The following DSC3 variants were observed in gnomAD, a reference collection of about 807,000 sequenced individuals.
DSC3 encodes desmocollin-3.
A neutral mutation model predicts 89.5 loss-of-function variants in DSC3; 97 were observed. The ratio of observed to expected loss-of-function variants is 1.08; its 90% CI spans 0.92 to 1.28. The LOEUF is 1.28. Ranked by LOEUF, DSC3 falls within the 50% of genes most tolerant of loss-of-function variation. The pLI is 0.00. For synonymous variants in DSC3, 436 were observed against 384.1 expected (o/e 1.14, Z -1.58); for missense variants, 1,199 against 1,085.3 (o/e 1.10, Z -1.47).
At position 31,029,506 on chromosome 18, in the gene DSC3, T is replaced by C. The variant is rs1185392029; in HGVS notation, c.474+3A>G. On this transcript the variant is annotated splice_donor_region_variant and intron_variant, in intron 4 of 15. Coordinates refer to ENST00000360428, the MANE Select transcript of DSC3 (RefSeq NM_001941.5). ...ACCCTGACCAGAAAAGGTGTAAACC[T>C]ACTTGTTGAAGAAACAATGGGAAAG... 2 of 1,613,686 alleles carry C rather than the reference T, an allele frequency of 1.2e-6. No individual in the cohort carries two copies. The highest frequency in any genetic ancestry group is 1.7e-6 in the Non-Finnish European group (2 of 1,179,688).
At chr18:30,995,702 T>G (rs11874399) in intron 15 of DSC3, among the ~76,000 whole-genome samples, 5,273 of 152,226 alleles carry the variant, frequency 0.035, 347 homozygotes, top group African/African-American at 0.12. Flanking sequence ...CCAAGCCAAG[T>G]GGCTCATGCG....
At chr18:31,042,505 G>T in intron 1 of DSC3, 87 bp downstream of exon 1, 1 of 1,374,082 alleles carries the variant, frequency 7.3e-7, no homozygotes, top group Non-Finnish European at 1.0e-6. Flanking sequence ...TCACGTTTCG[G>T]CCCGCTTTGT....
chr18:31,037,147 A>G (rs1016976159), intron 1 of DSC3, among the ~76,000 whole-genome samples: 1 of 152,016 alleles, frequency 6.6e-6, no homozygotes, highest in African/African-American at 2.4e-5. Context: ...GGTCTTTCAC[A>G]TTTTTTGTTA....
rs1249593425 is a variant in DSC3, at chr18:31,001,734, A to G, written c.2119T>C (p.Leu707=). 1 of 1,586,038 alleles carries G rather than the reference A, an allele frequency of 6.3e-7. No individual in the cohort carries two copies. The highest frequency in any genetic ancestry group is 1.4e-5 in the African/African-American group (1 of 73,492). ...AAAACTCCACATACTAAAGTTAGCA[A>G]TACAGCTGAATTTAAAAATAAAAAT... The part of the protein sequence containing the change: ...LLGIALLFSV[L]LTLVCGVFGA... Residue 707 remains leucine, a synonymous_variant, in exon 14 of 16, where the codon TTG becomes CTG. Coordinates refer to ENST00000360428, the MANE Select transcript of DSC3 (RefSeq NM_001941.5).
At position 30,992,027 on chromosome 18, in the gene DSC3, T is replaced by C. The variant is rs540638496; in HGVS notation, c.*2148A>G. On this transcript the variant is annotated 3_prime_UTR_variant, in exon 16 of 16. Transcript: ENST00000360428. ...AAAAATACAAAAAATTAGCCGGGCG[T>C]GGTGGTGGGCGCCTGTAGTCCCAGC... is the stretch of plus-strand genomic sequence containing the variant. 4 of 151,206 alleles carry C rather than the reference T, an allele frequency of 2.6e-5. No individual in the cohort carries two copies. Among genetic ancestry groups the C allele is most frequent in the South Asian group, 2.1e-4 (1 of 4,758 alleles). The allele number at this position is 151,206 out of a possible 1,614,324, so 9.4% of individuals were successfully genotyped here. A position where few individuals can be genotyped will look rare whatever the true frequency, so the allele number is the denominator to read the frequency against.
chr18:30,990,472 T>C lies in DSC3; in HGVS notation c.*3703A>G, dbSNP rs1047298836. ...TGGTTACAATAGAAGTTACTGGAAT[T>C]GAAATTTTGGTTCAACCTATATTAA... is the stretch of plus-strand genomic sequence containing the variant. On this transcript the variant is annotated 3_prime_UTR_variant, in exon 16 of 16. Coordinates refer to ENST00000360428, the MANE Select transcript of DSC3 (RefSeq NM_001941.5). 6 of 152,236 alleles carry C rather than the reference T, an allele frequency of 3.9e-5. No individual in the cohort carries two copies. The highest frequency in any genetic ancestry group is 1.4e-4 in the African/African-American group (6 of 41,458). 9.4% of individuals were successfully genotyped at this position (152,236 alleles called of 1,614,324 possible). A position where few individuals can be genotyped will look rare whatever the true frequency, so the allele number is the denominator to read the frequency against.
intron 7 of DSC3, among the ~76,000 whole-genome samples, chr18:31,020,824 C>A (rs1014889756): frequency 8.6e-5 from 13 of 152,040 alleles, no homozygotes; most frequent in Admixed American, 8.5e-4. Context: ...GTCCTGTAAT[C>A]CCAGCTACAC....
In DSC3 at chr18:31,001,609, ATTAC is replaced by A. The variant is rs758570720; in HGVS notation, c.2235+5_2235+8del. ...GATACAAATACATATTTATTTAAAA[ATTAC>A]TTACCACTCTATCGTCTCCAGGTGC... On this transcript the variant is annotated splice_donor_5th_base_variant and intron_variant, in intron 14 of 15. Coordinates refer to ENST00000360428, the MANE Select transcript of DSC3 (RefSeq NM_001941.5). The A allele has an allele frequency of 1.9e-6, 3 of 1,608,642 alleles. No homozygotes were observed. Among genetic ancestry groups the A allele is most frequent in the African/African-American group, 1.3e-5 (1 of 74,818 alleles).
Position 31,024,381 on chromosome 18 carries a change from T to TA in DSC3, c.742dup (p.Tyr248LeufsTer2). On this transcript the variant is annotated frameshift_variant, in exon 6 of 16. Transcript: ENST00000360428. LOFTEE classifies it high-confidence loss of function. Reference sequence around the variant, plus strand: ...ACTACTTTCCAAAACTTCAAAATTATAAATTGCTTCTGTGAAAACAGGGTG... The same window carrying TA: ...ACTACTTTCCAAAACTTCAAAATTATAAAATTGCTTCTGTGAAAACAGGGTG... The TA allele has an allele frequency of 6.2e-7, 1 of 1,607,640 alleles. No individual in the cohort carries two copies. Among genetic ancestry groups the TA allele is most frequent in the Non-Finnish European group, 8.5e-7 (1 of 1,176,000 alleles).
At chr18:31,018,840 T>A in intron 7 of DSC3, 40 bp from the exon 8 acceptor site, 2 of 1,602,716 alleles carry the variant, frequency 1.2e-6, no homozygotes, top group Non-Finnish European at 1.7e-6. Flanking sequence ...TTGAAAAATT[T>A]TTGGTAGATT....
At chr18:31,041,952 C>T (rs1986146800) in intron 1 of DSC3, among the ~76,000 whole-genome samples, 1 of 152,240 alleles carries the variant, frequency 6.6e-6, no homozygotes, top group African/African-American at 2.4e-5. Context: ...CATTCTGGCC[C>T]GGTCTTCCCA....
chr18:31,032,517 CAAT>C (rs1296390110), intron 1 of DSC3, among the ~76,000 whole-genome samples: 1 of 151,486 alleles, frequency 6.6e-6, no homozygotes, highest in Non-Finnish European at 1.5e-5. Flanking sequence ...AGGAACAAGA[CAAT>C]GATGTCTGCT....
At position 31,022,418 on chromosome 18, in the gene DSC3, T is replaced by G; in HGVS notation, c.860A>C (p.Gln287Pro). The change falls in exon 7 of 16, where the codon CAG (glutamine) becomes CCG (proline). Residue 287 changes from glutamine to proline, a missense_variant. Physicochemically the swap from Gln to Pro is moderately conservative, Grantham distance 76. Transcript: ENST00000360428. Reference sequence around the variant, plus strand: ...AAAGAGCCCAGGTGACCTTGGTGTCTGCTGCAAAATGCTGTATTTCAGGCG... The same window carrying G: ...AAAGAGCCCAGGTGACCTTGGTGTCGGCTGCAAAATGCTGTATTTCAGGCG... ...HTRLKYSILQQTPRSPGLFSV... is the reference protein window; with the variant it reads ...HTRLKYSILQPTPRSPGLFSV... 6.2e-7 allele frequency: 1 copy of G among 1,614,104 alleles called. No individual in the cohort carries two copies. The highest frequency in any genetic ancestry group is 2.2e-5 in the East Asian group (1 of 44,862).
chr18:31,009,329 A>T (rs1421706669), intron 9 of DSC3, among the ~76,000 whole-genome samples: 1 of 152,150 alleles, frequency 6.6e-6, no homozygotes, highest in Non-Finnish European at 1.5e-5. Flanking sequence ...CTGGGATTAC[A>T]GGCGTGAACC....
intron 4 of DSC3, 76 bp downstream of exon 4, chr18:31,029,433 T>A: frequency 6.4e-7 from 1 of 1,557,552 alleles, no homozygotes; most frequent in South Asian, 1.1e-5. Context: ...TTTTATATGT[T>A]TAAAGAGGTA....
Position 31,042,713 on chromosome 18 carries a change from C to T in DSC3, c.-53G>A. 3 of 1,497,576 alleles carry T rather than the reference C, an allele frequency of 2.0e-6. No individual in the cohort carries two copies. Among genetic ancestry groups the T allele is most frequent in the East Asian group, 2.5e-5 (1 of 40,538 alleles). 92.8% of individuals were successfully genotyped at this position (1,497,576 alleles called of 1,614,324 possible). A position where few individuals can be genotyped will look rare whatever the true frequency, so the allele number is the denominator to read the frequency against. ...GCGGGCGCCGGGAGGGTGCCGAGAGCGAGACCTGCCGAGGTGCAGGGCGCG... is the reference window on the plus strand; with the variant it reads ...GCGGGCGCCGGGAGGGTGCCGAGAGTGAGACCTGCCGAGGTGCAGGGCGCG... On this transcript the variant is annotated 5_prime_UTR_variant, in exon 1 of 16. Coordinates refer to ENST00000360428, the MANE Select transcript of DSC3 (RefSeq NM_001941.5).
chr18:31,018,034 G>A, intron 9 of DSC3, 37 bp downstream of exon 9: 1 of 1,562,342 alleles, frequency 6.4e-7, no homozygotes, highest in Non-Finnish European at 8.8e-7. Context: ...ACTAAAACCT[G>A]TTAATTTGCT....
chr18:31,041,713 C>G (rs1481796620), intron 1 of DSC3, among the ~76,000 whole-genome samples: 1 of 152,184 alleles, frequency 6.6e-6, no homozygotes, highest in African/African-American at 2.4e-5. Context: ...TTCAAGTCTC[C>G]CGTGTTCTCA....
chr18:31,027,280 C>T lies in DSC3; in HGVS notation c.475-1365G>A, dbSNP rs552779714. Among the ~76,000 whole-genome samples the T allele has an allele frequency of 7.1e-4, 108 of 152,170 alleles. 2 individuals are homozygous for T. The highest frequency in any genetic ancestry group is 1.1e-3 in the Non-Finnish European group (76 of 67,950). ...CCAGAGTTCTGGATTTAAACATGGA[C>T]GGTCAGACGTGCTTGAACAAGATTG... is the stretch of plus-strand genomic sequence containing the variant. On this transcript the variant is annotated intron_variant, in intron 4 of 15. Transcript: ENST00000360428.
Sources: allele counts gnomAD v4.1 joint callset (sites outside exome capture counted in the v4.1 genomes callset), GRCh38; gene constraint gnomAD v4.1.1; transcripts MANE v1.5; gene names NCBI Gene and HGNC (gene_info 2026-07-23, HGNC 2026-07-21).